The following LHFPL2 variants were observed in gnomAD, a reference collection of about 807,000 sequenced individuals.
The protein encoded by LHFPL2 is LHFPL tetraspan subfamily member 2.
LHFPL2 carries 7 observed loss-of-function variants against 17.5 expected under a neutral mutation model. The observed-to-expected ratio is 0.40, with a 90% CI of 0.23 to 0.75. The LOEUF is 0.75. Among genes scored for constraint, LHFPL2 ranks in the 30% least tolerant of loss-of-function variants. LHFPL2 has a pLI of 0.37. For synonymous variants in LHFPL2, 134 were observed against 116.2 expected, an observed-to-expected ratio of 1.15 and a Z score of -0.99; for missense variants, 241 against 294.8, an observed-to-expected ratio of 0.82 and a Z score of 1.34.
rs138463213 is a variant in LHFPL2 at position 78,535,567 on chromosome 5, C to T, written c.-185-25169G>A. On this transcript the variant is annotated intron_variant, in intron 3 of 4. Transcript: ENST00000380345. ...AGGGGCCAGGAGAGAGAAGGCCCCT[C>T]CCTCACCGTCAGCCCCCAGCGCTGT... 7.9e-3 allele frequency among the ~76,000 whole-genome samples: 1,198 copies of T among 152,284 alleles called. 9 individuals are homozygous for T. The highest frequency in any genetic ancestry group is 0.016 in the South Asian group (78 of 4,822).
chr5:78,595,704 C>T (rs1743801583), intron 2 of LHFPL2, among the ~76,000 whole-genome samples: 1 of 152,086 alleles, frequency 6.6e-6, no homozygotes, highest in Admixed American at 6.6e-5. Context: ...TTTGTAAAGG[C>T]AGGGTCTCAC....
chr5:78,495,378 C>T (rs1754573998), intron 4 of LHFPL2, among the ~76,000 whole-genome samples: 1 of 152,198 alleles, frequency 6.6e-6, no homozygotes, highest in South Asian at 2.1e-4. Flanking sequence ...TTGTGGGTCA[C>T]CAACCATTTG....
chr5:78,507,761 A>G (rs1754973969), intron 4 of LHFPL2, among the ~76,000 whole-genome samples: 1 of 152,230 alleles, frequency 6.6e-6, no homozygotes, highest in Non-Finnish European at 1.5e-5. Context: ...GAAATCATCA[A>G]GGATGTGCAA....
intron 2 of LHFPL2, among the ~76,000 whole-genome samples, chr5:78,571,958 G>A (rs563964809): frequency 2.0e-5 from 3 of 152,288 alleles, no homozygotes; most frequent in African/African-American, 4.8e-5. Flanking sequence ...ACCAGTAATA[G>A]TGCCTGAGAA....
intron 3 of LHFPL2, among the ~76,000 whole-genome samples, chr5:78,546,531 A>C (rs1431876236): frequency 6.6e-6 from 1 of 152,232 alleles, no homozygotes; most frequent in Non-Finnish European, 1.5e-5. Context: ...TGCATCCTAG[A>C]AACAGTGATC....
At chr5:78,538,848 C>G (rs1350163094) in intron 3 of LHFPL2, among the ~76,000 whole-genome samples, 1 of 152,198 alleles carries the variant, frequency 6.6e-6, no homozygotes, top group African/African-American at 2.4e-5. Context: ...TCTGCAGCCA[C>G]ACACCACGTA....
chr5:78,565,247 T>C (rs2112416745), intron 2 of LHFPL2, among the ~76,000 whole-genome samples: 1 of 152,206 alleles, frequency 6.6e-6, no homozygotes, highest in Middle Eastern at 3.4e-3. Context: ...AATTAAGAAA[T>C]AAAATACAAA....
At chr5:78,547,208 G>A (rs766501715) in intron 3 of LHFPL2, among the ~76,000 whole-genome samples, 4 of 152,130 alleles carry the variant, frequency 2.6e-5, no homozygotes, top group Non-Finnish European at 5.9e-5. Flanking sequence ...GAGGCTCACC[G>A]GGGCACTCCT....
chr5:78,573,502 G>A (rs1356430445), intron 2 of LHFPL2, among the ~76,000 whole-genome samples: 1 of 152,220 alleles, frequency 6.6e-6, no homozygotes, highest in African/African-American at 2.4e-5. Context: ...CAGGGAAGTT[G>A]AGGCCAACAC....
At chr5:78,606,098 C>T (rs549559375) in intron 2 of LHFPL2, among the ~76,000 whole-genome samples, 1 of 152,334 alleles carries the variant, frequency 6.6e-6, no homozygotes, top group Non-Finnish European at 1.5e-5. Context: ...GCCCACTCTG[C>T]CTTAGGCAAC....
At chr5:78,614,141 A>G (rs1228553940) in intron 2 of LHFPL2, among the ~76,000 whole-genome samples, 1 of 152,256 alleles carries the variant, frequency 6.6e-6, no homozygotes, top group Admixed American at 6.5e-5. Flanking sequence ...GTTTAGCTCC[A>G]AGTTTTAAAA....
At chr5:78,542,382 T>A (rs991473427) in intron 3 of LHFPL2, among the ~76,000 whole-genome samples, 1 of 152,142 alleles carries the variant, frequency 6.6e-6, no homozygotes, top group African/African-American at 2.4e-5. Flanking sequence ...CTTTGTCGAA[T>A]CCACAAGCAA....
chr5:78,529,190 G>A (rs1580778679), intron 3 of LHFPL2, among the ~76,000 whole-genome samples: 1 of 152,168 alleles, frequency 6.6e-6, no homozygotes, highest in Non-Finnish European at 1.5e-5. Context: ...GGAGGCTGAG[G>A]TGGGAGGATC....
chr5:78,522,394 C>T lies in LHFPL2; in HGVS notation c.-185-11996G>A, dbSNP rs142884056. 1.8e-3 allele frequency among the ~76,000 whole-genome samples: 280 copies of T among 152,234 alleles called. 2 individuals are homozygous for T. The highest frequency in any genetic ancestry group is 6.3e-3 in the African/African-American group (262 of 41,534). On this transcript the variant is annotated intron_variant, in intron 3 of 4. Coordinates refer to ENST00000380345, the MANE Select transcript of LHFPL2 (RefSeq NM_005779.3). Reference sequence around the variant, plus strand: ...CTGAGGTTGCAGTGAGCCGAGATCACGCATTGCGCTTCAGCCTGGGTGACA... The same window carrying T: ...CTGAGGTTGCAGTGAGCCGAGATCATGCATTGCGCTTCAGCCTGGGTGACA...
intron 2 of LHFPL2, among the ~76,000 whole-genome samples, chr5:78,583,219 G>C (rs1458617670): frequency 2.6e-5 from 4 of 151,328 alleles, no homozygotes; most frequent in Admixed American, 6.6e-5. Context: ...ACACTGATGG[G>C]TCTTGACTCT....
At chr5:78,641,759 AG>A (rs1745666904) in intron 1 of LHFPL2, among the ~76,000 whole-genome samples, 1 of 152,198 alleles carries the variant, frequency 6.6e-6, no homozygotes, top group Non-Finnish European at 1.5e-5. Flanking sequence ...AGCTGATTAA[AG>A]TTTAGGAAAA....
At chr5:78,572,534 A>G (rs904824613) in intron 2 of LHFPL2, among the ~76,000 whole-genome samples, 3 of 150,812 alleles carry the variant, frequency 2.0e-5, no homozygotes, top group African/African-American at 4.9e-5. Flanking sequence ...ATATATATAC[A>G]CACACATATA....
intron 2 of LHFPL2, among the ~76,000 whole-genome samples, chr5:78,579,499 G>C (rs192816622): frequency 1.3e-4 from 19 of 148,590 alleles, no homozygotes; most frequent in South Asian, 2.3e-4. Flanking sequence ...CCCCTTCCCC[G>C]ACCCCACAAC....
chr5:78,583,672 C>T (rs1366398458), intron 2 of LHFPL2, among the ~76,000 whole-genome samples: 17 of 152,110 alleles, frequency 1.1e-4, no homozygotes, highest in Non-Finnish European at 7.4e-5. Context: ...TGATGGGCTT[C>T]CCTTTGAGGG....
Sources: allele counts gnomAD v4.1 joint callset (sites outside exome capture counted in the v4.1 genomes callset), GRCh38; gene constraint gnomAD v4.1.1; transcripts MANE v1.5; gene names NCBI Gene and HGNC (gene_info 2026-07-23, HGNC 2026-07-21).